The following FGF14 variants were observed in gnomAD, a reference collection of about 807,000 sequenced individuals.
FGF14 encodes fibroblast growth factor 14, also known as fibroblast growth factor homologous factor 4.
FGF14 carries 5 observed loss-of-function variants against 25.5 expected under a neutral mutation model. The observed-to-expected ratio is 0.20, with a 90% CI of 0.10 to 0.41. The LOEUF (loss-of-function observed/expected upper bound fraction) is 0.41. Ranked by LOEUF, FGF14 falls within the 10% of genes least tolerant of loss-of-function variation. The pLI is 1.00. For missense variants in FGF14, 222 were observed against 320.1 expected, an observed-to-expected ratio of 0.69 and a Z score of 2.34; for synonymous variants, 138 against 118.3, an observed-to-expected ratio of 1.17 and a Z score of -1.08.
intron 3 of FGF14, among the ~76,000 whole-genome samples, chr13:101,785,675 G>A (rs945399650): frequency 7.2e-5 from 11 of 152,036 alleles, no homozygotes; most frequent in South Asian, 2.1e-4. Context: ...TATTGTAACC[G>A]TATTCTATTA....
At chr13:101,991,456 T>C (rs1334514525) in intron 1 of FGF14, among the ~76,000 whole-genome samples, 2 of 152,116 alleles carry the variant, frequency 1.3e-5, no homozygotes, top group Non-Finnish European at 2.9e-5. Context: ...CTATGATTAG[T>C]TCCTGGGCCT....
chr13:101,951,606 A>G (rs1455358494), intron 1 of FGF14, among the ~76,000 whole-genome samples: 1 of 152,056 alleles, frequency 6.6e-6, no homozygotes. Flanking sequence ...TTTCAACATT[A>G]TTTGTCTTGT....
At chr13:102,085,007 C>T (rs1361703138) in intron 1 of FGF14, among the ~76,000 whole-genome samples, 2 of 152,164 alleles carry the variant, frequency 1.3e-5, no homozygotes, top group Non-Finnish European at 2.9e-5. Context: ...ATTTGACTGT[C>T]CCTGAAATTA....
At chr13:101,887,308 T>C (rs2046039517) in intron 1 of FGF14, among the ~76,000 whole-genome samples, 1 of 147,010 alleles carries the variant, frequency 6.8e-6, no homozygotes, top group Non-Finnish European at 1.5e-5. Flanking sequence ...GTGATGTAAA[T>C]ATATTTCATA....
At chr13:102,332,432 A>G (rs951590380) in intron 1 of FGF14, among the ~76,000 whole-genome samples, 3 of 152,138 alleles carry the variant, frequency 2.0e-5, no homozygotes, top group Non-Finnish European at 2.9e-5. Flanking sequence ...ATTTTTAATC[A>G]TCAGAGATTT....
At chr13:102,255,856 A>C (rs1295260929) in intron 1 of FGF14, among the ~76,000 whole-genome samples, 2 of 152,228 alleles carry the variant, frequency 1.3e-5, no homozygotes, top group Non-Finnish European at 2.9e-5. Context: ...GTGAGTGAGC[A>C]TGCTGCTTTA....
intron 3 of FGF14, among the ~76,000 whole-genome samples, chr13:101,833,993 A>G (rs1440908412): frequency 6.6e-6 from 1 of 152,100 alleles, no homozygotes; most frequent in Admixed American, 6.6e-5. Context: ...ATCTAGTGCT[A>G]TTCACAAGAG....
chr13:101,957,347 G>C (rs907107485), intron 1 of FGF14, among the ~76,000 whole-genome samples: 1 of 152,072 alleles, frequency 6.6e-6, no homozygotes, highest in Non-Finnish European at 1.5e-5. Context: ...AAGGAATAAA[G>C]AGACACTATA....
chr13:102,401,181 T>G (rs1161560080), intron 1 of FGF14, among the ~76,000 whole-genome samples: 2 of 151,626 alleles, frequency 1.3e-5, no homozygotes, highest in African/African-American at 4.9e-5. Flanking sequence ...CCCTTCACTA[T>G]TCCACCAAAC....
chr13:102,050,180 G>C (rs1322374958), intron 1 of FGF14, among the ~76,000 whole-genome samples: 26 of 152,190 alleles, frequency 1.7e-4, no homozygotes, highest in Admixed American at 1.7e-3. Context: ...AATGTGTTAA[G>C]AGGAAAATAA....
intron 1 of FGF14, among the ~76,000 whole-genome samples, chr13:102,119,475 C>A (rs1025535627): frequency 6.6e-5 from 10 of 152,048 alleles, no homozygotes; most frequent in Admixed American, 5.2e-4. Context: ...TGAATATGAA[C>A]AGAATACTAA....
intron 1 of FGF14, among the ~76,000 whole-genome samples, chr13:102,174,483 T>C (rs966887523): frequency 2.6e-5 from 4 of 151,762 alleles, no homozygotes; most frequent in Admixed American, 6.6e-5. Flanking sequence ...TTTCTATATA[T>C]CAACAACACT....
chr13:101,738,992 ATG>A (rs921632908), intron 3 of FGF14, among the ~76,000 whole-genome samples: 32 of 146,678 alleles, frequency 2.2e-4, no homozygotes, highest in African/African-American at 3.0e-4. Flanking sequence ...GTGTGTTTAT[ATG>A]TGTGTGTGTG....
At chr13:102,281,007 A>G (rs1167287454) in intron 1 of FGF14, among the ~76,000 whole-genome samples, 1 of 152,216 alleles carries the variant, frequency 6.6e-6, no homozygotes, top group Non-Finnish European at 1.5e-5. Context: ...GGTGCTTTCC[A>G]ACGTGCTTGG....
rs2139314735 is a variant in FGF14, at chr13:101,941,042, A to C, written c.209-65746T>G. Among the ~76,000 whole-genome samples the C allele has an allele frequency of 1.3e-5, 2 of 152,310 alleles. 1 individual carries two copies. The highest frequency in any genetic ancestry group is 6.8e-3 in the Middle Eastern group (2 of 294). On this transcript the variant is annotated intron_variant, in intron 1 of 4. Coordinates refer to the FGF14 transcript ENST00000376131. Reference sequence around the variant, plus strand: ...ATCCTGCAGGTCAAGTGAAAACCTGAAGGGTCACAGAAGAATAAACACATG... The same window carrying C: ...ATCCTGCAGGTCAAGTGAAAACCTGCAGGGTCACAGAAGAATAAACACATG...
chr13:101,914,432 G>T (rs949032670), intron 1 of FGF14, among the ~76,000 whole-genome samples: 8 of 151,718 alleles, frequency 5.3e-5, no homozygotes, highest in Non-Finnish European at 1.0e-4. Context: ...TCCTTATAAC[G>T]TATCTTCCCT....
At chr13:102,040,368 C>T (rs1195782773) in intron 1 of FGF14, among the ~76,000 whole-genome samples, 1 of 152,096 alleles carries the variant, frequency 6.6e-6, no homozygotes, top group Non-Finnish European at 1.5e-5. Context: ...TACCTTTTTA[C>T]ATAGAGGGTG....
chr13:102,133,810 G>A (rs1325634700), intron 1 of FGF14, among the ~76,000 whole-genome samples: 1 of 152,194 alleles, frequency 6.6e-6, no homozygotes, highest in Non-Finnish European at 1.5e-5. Flanking sequence ...GTTGCTGCAT[G>A]TGGAGGTTAA....
Position 102,034,199 on chromosome 13 carries a change from G to A in FGF14, c.209-158903C>T, listed in dbSNP as rs114407042. 4.1e-3 allele frequency among the ~76,000 whole-genome samples: 621 copies of A among 152,204 alleles called. 7 individuals carry two copies. Among genetic ancestry groups the A allele is most frequent in the African/African-American group, 0.014 (578 of 41,532 alleles). On this transcript the variant is annotated intron_variant, in intron 1 of 4. Coordinates refer to the FGF14 transcript ENST00000376131. ...GAGACTGTACCCTCCAGAAGCCCAG[G>A]ACTCCGGGATACAACATAATGAGAG...
Sources: allele counts gnomAD v4.1 joint callset (sites outside exome capture counted in the v4.1 genomes callset), GRCh38; gene constraint gnomAD v4.1.1; transcripts MANE v1.5; gene names NCBI Gene and HGNC (gene_info 2026-07-23, HGNC 2026-07-21).